LRR1: variants seen among roughly 807,000 people sequenced by gnomAD.
The protein encoded by LRR1 is leucine-rich repeat protein 1.
LRR1 carries 29 observed loss-of-function variants against 31.6 expected under a neutral mutation model. The observed-to-expected ratio is 0.92, with a 90% CI of 0.68 to 1.25. The LOEUF (loss-of-function observed/expected upper bound fraction) is 1.25, where lower values mean the gene tolerates loss of function less well. Ranked by LOEUF, LRR1 falls within the 50% of genes most tolerant of loss-of-function variation. The pLI is 0.00. For synonymous variants in LRR1, 179 were observed against 181.4 expected (o/e 0.99, Z 0.10); for missense variants, 485 against 487.2 (o/e 1.00, Z 0.04).
At chr14:49,606,527 A>AG (rs1386133092) in intron 2 of LRR1, among the ~76,000 whole-genome samples, 1 of 145,234 alleles carries the variant, frequency 6.9e-6, no homozygotes, top group African/African-American at 2.6e-5. Flanking sequence ...TTAGTAGAGA[A>AG]GGGGTTTCAC....
chr14:49,613,148 G>C (rs549820188), intron 3 of LRR1, among the ~76,000 whole-genome samples: 22 of 152,126 alleles, frequency 1.4e-4, no homozygotes, highest in Admixed American at 9.8e-4. Context: ...GACCATCCTG[G>C]CTAACATGGT....
At chr14:49,608,983 G>A (rs1339679991) in intron 3 of LRR1, among the ~76,000 whole-genome samples, 1 of 133,264 alleles carries the variant, frequency 7.5e-6, no homozygotes, top group Non-Finnish European at 1.5e-5. Context: ...AAGCGATCTC[G>A]GCTCACTGCA....
intron 1 of LRR1, chr14:49,601,079 C>T (rs201692378): frequency 4.3e-5 from 69 of 1,611,234 alleles, no homozygotes; most frequent in Admixed American, 3.3e-5. Flanking sequence ...AGGCCAGCCA[C>T]GTAGCCAAAG....
intron 2 of LRR1, chr14:49,603,523 C>CTTCTTTTTTT (rs1319657896): frequency 3.2e-4 from 32 of 99,102 alleles, no homozygotes; most frequent in Admixed American, 6.0e-4. Flanking sequence ...TCTTCTTCTT[C>CTTCTTTTTTT]TTTTTTTTTT....
intron 2 of LRR1, 55 bp downstream of exon 2, chr14:49,602,523 T>G: frequency 6.9e-7 from 1 of 1,454,720 alleles, no homozygotes; most frequent in Non-Finnish European, 9.6e-7. Flanking sequence ...CTTTATTTTT[T>G]AGAAACAGAG....
chr14:49,599,344 T>A, intron 1 of LRR1, 141 bp downstream of exon 1: 1 of 943,174 alleles, frequency 1.1e-6, no homozygotes, highest in Non-Finnish European at 1.5e-6. Flanking sequence ...CCTTGAGACC[T>A]ACCATCAGCC....
intron 3 of LRR1, among the ~76,000 whole-genome samples, chr14:49,608,408 T>A (rs908165437): frequency 1.7e-5 from 1 of 59,336 alleles, no homozygotes; most frequent in Non-Finnish European, 3.3e-5. Flanking sequence ...ATTGCTTGAT[T>A]TTTTTTTTTT....
chr14:49,611,556 T>G (rs1457146640), intron 3 of LRR1, among the ~76,000 whole-genome samples: 1 of 152,124 alleles, frequency 6.6e-6, no homozygotes, highest in African/African-American at 2.4e-5. Flanking sequence ...TTGAGGGAAC[T>G]CCAAACAGTA....
chr14:49,610,564 G>T (rs934819383), intron 3 of LRR1, among the ~76,000 whole-genome samples: 10 of 150,232 alleles, frequency 6.7e-5, no homozygotes, highest in African/African-American at 2.2e-4. Context: ...CATTGTTCAG[G>T]TTGCTTTTTA....
intron 1 of LRR1, 137 bp downstream of exon 1, chr14:49,599,340 G>A (rs1881945004): frequency 6.1e-6 from 6 of 991,600 alleles, no homozygotes; most frequent in Non-Finnish European, 8.6e-6. Context: ...CCAGCCTTGA[G>A]ACCTACCATC....
intron 3 of LRR1, among the ~76,000 whole-genome samples, chr14:49,609,641 T>C (rs1882438685): frequency 6.6e-6 from 1 of 151,868 alleles, no homozygotes. Context: ...ACTCCTGACC[T>C]TGTGATCTGC....
chr14:49,610,517 A>C (rs1882473792), intron 3 of LRR1, among the ~76,000 whole-genome samples: 1 of 151,984 alleles, frequency 6.6e-6, no homozygotes, highest in Admixed American at 6.6e-5. Flanking sequence ...GGCCTCCCAA[A>C]GTGCTAGGAT....
chr14:49,602,590 A>G (rs752993098), intron 2 of LRR1, 122 bp downstream of exon 2: 6 of 733,412 alleles, frequency 8.2e-6, no homozygotes, highest in Non-Finnish European at 1.4e-5. Context: ...CACTGCATCA[A>G]ACACCTAGGC....
At chr14:49,603,325 A>G (rs541550044) in intron 2 of LRR1, among the ~76,000 whole-genome samples, 1 of 152,324 alleles carries the variant, frequency 6.6e-6, no homozygotes, top group Non-Finnish European at 1.5e-5. Flanking sequence ...GGATGGGAAG[A>G]AAACTGGGTT....
intron 3 of LRR1, among the ~76,000 whole-genome samples, chr14:49,611,545 T>C (rs986701588): frequency 6.6e-6 from 1 of 152,120 alleles, no homozygotes; most frequent in Non-Finnish European, 1.5e-5. Context: ...AATCCACTGA[T>C]TTGAGGGAAC....
intron 2 of LRR1, chr14:49,603,461 G>A (rs961236410): frequency 2.7e-5 from 8 of 297,586 alleles, no homozygotes; most frequent in African/African-American, 1.6e-4. Flanking sequence ...TAATAAAAGA[G>A]GAAAAAATTC....
intron 1 of LRR1, chr14:49,600,576 T>G (rs1004804618): frequency 1.3e-6 from 2 of 1,574,932 alleles, no homozygotes; most frequent in East Asian, 4.5e-5. Context: ...AAAAAAAGAA[T>G]AGGATCAAGA....
chr14:49,609,800 G>A (rs1882446533), intron 3 of LRR1, among the ~76,000 whole-genome samples: 1 of 151,934 alleles, frequency 6.6e-6, no homozygotes, highest in South Asian at 2.1e-4. Context: ...TCTGCCTCCC[G>A]AGTTCCAGGA....
intron 3 of LRR1, among the ~76,000 whole-genome samples, chr14:49,613,779 C>G (rs1566498785): frequency 6.6e-6 from 1 of 152,202 alleles, no homozygotes. Flanking sequence ...CACCACTGCA[C>G]TCTAGCCTGG....
Sources: allele counts gnomAD v4.1 joint callset (sites outside exome capture counted in the v4.1 genomes callset), GRCh38; gene constraint gnomAD v4.1.1; transcripts MANE v1.5; gene names NCBI Gene and HGNC (gene_info 2026-07-23, HGNC 2026-07-21).